Variants in TBC1D10A observed in about 807,000 individuals in gnomAD.
TBC1D10A encodes EBP50-PDX interactor of 64 kDa.
Under a neutral mutation model 52.9 loss-of-function variants are expected in TBC1D10A, and 24 were observed. That is an observed-to-expected ratio of 0.45 (90% CI 0.33 to 0.64). The LOEUF is 0.64. TBC1D10A is among the 30% of genes least tolerant of loss of function. The pLI, the probability that TBC1D10A is intolerant of heterozygous loss-of-function variation, is 0.02. For missense variants in TBC1D10A, 602 were observed against 687.9 expected (o/e 0.88, Z 1.40); for synonymous variants, 278 against 282.9 (o/e 0.98, Z 0.17).
intron 1 of TBC1D10A, among the ~76,000 whole-genome samples, chr22:30,307,476 A>T (rs1034213802): frequency 1.3e-5 from 2 of 152,068 alleles, no homozygotes; most frequent in African/African-American, 4.8e-5. Context: ...CTTATGCCAA[A>T]ATTGTCCTAG....
chr22:30,303,463 G>C (rs923763293), intron 2 of TBC1D10A, among the ~76,000 whole-genome samples: 11 of 152,210 alleles, frequency 7.2e-5, no homozygotes, highest in Non-Finnish European at 1.2e-4. Flanking sequence ...CCACCACTTC[G>C]TGGGGAGCAA....
intron 1 of TBC1D10A, among the ~76,000 whole-genome samples, chr22:30,322,467 G>T (rs944688805): frequency 6.6e-6 from 1 of 152,026 alleles, no homozygotes; most frequent in Admixed American, 6.6e-5. Context: ...TGCGGAGTAG[G>T]CTCAAAAGAC....
At chr22:30,294,647 T>C in intron 6 of TBC1D10A, 149 bp downstream of exon 6, 1 of 922,038 alleles carries the variant, frequency 1.1e-6, no homozygotes, top group Admixed American at 2.2e-5. Context: ...CCAGGAGACC[T>C]AACCCTGGCA....
chr22:30,312,708 C>T (rs1930450835), intron 1 of TBC1D10A, among the ~76,000 whole-genome samples: 1 of 152,196 alleles, frequency 6.6e-6, no homozygotes, highest in South Asian at 2.1e-4. Flanking sequence ...TTCCTTCAAC[C>T]CCCATTCAAT....
In TBC1D10A at chr22:30,293,653, C is replaced by T. The variant is rs1469082897; in HGVS notation, c.1048G>A (p.Glu350Lys). The change falls in exon 8 of 9, where the codon GAG (glutamate) becomes AAG (lysine). Residue 350 changes from glutamate to lysine, a missense_variant and splice_region_variant. By Grantham distance (56) the Glu-to-Lys change is moderately conservative. Coordinates refer to ENST00000215790, the MANE Select transcript of TBC1D10A (RefSeq NM_031937.3). Reference sequence around the variant, plus strand: ...TAAGGGGCAGGCATGGGCTGTACCTCCTGGACCAGAAAGGCCTCCTGCATG... The same window carrying T: ...TAAGGGGCAGGCATGGGCTGTACCTTCTGGACCAGAAAGGCCTCCTGCATG... Reference protein sequence around the residue: ...KIMQEAFLVQEVVELPVTERQ... With the variant: ...KIMQEAFLVQKVVELPVTERQ... The T allele has an allele frequency of 3.7e-6, 6 of 1,607,612 alleles. No individual in the cohort carries two copies. Among genetic ancestry groups the T allele is most frequent in the Non-Finnish European group, 5.1e-6 (6 of 1,175,442 alleles).
Position 30,295,674 on chromosome 22 carries a change from C to T in TBC1D10A, c.524+63G>A. The T allele has an allele frequency of 5.8e-6, 9 of 1,539,160 alleles. No homozygotes were observed. In the South Asian group the frequency reaches 9.0e-5, roughly 15 times the overall value. On this transcript the variant is annotated intron_variant, in intron 4 of 8. Coordinates refer to ENST00000215790, the MANE Select transcript of TBC1D10A (RefSeq NM_031937.3). ...TAAAGCCCTGAACTCACTGTACCTC[C>T]TTAGACCCCTTAGAGACAGGCCCTA...
intron 1 of TBC1D10A, among the ~76,000 whole-genome samples, chr22:30,313,369 G>GAAA (rs1300327256): frequency 7.1e-5 from 7 of 98,348 alleles, no homozygotes; most frequent in Non-Finnish European, 1.5e-4. Context: ...GTGTGTGTGT[G>GAAA]TGTGTGTGTG....
intron 1 of TBC1D10A, among the ~76,000 whole-genome samples, chr22:30,317,115 T>A (rs1310080236): frequency 6.6e-6 from 1 of 151,858 alleles, no homozygotes; most frequent in African/African-American, 2.4e-5. Context: ...TTAAAAAGAT[T>A]AAGCAACTTT....
chr22:30,295,131 A>G, intron 4 of TBC1D10A, 76 bp from the exon 5 acceptor site: 2 of 1,425,546 alleles, frequency 1.4e-6, no homozygotes, highest in South Asian at 2.3e-5. Flanking sequence ...GCCCCAGTGG[A>G]CCAGCCAGCC....
chr22:30,293,848 G>T (rs758999100), intron 7 of TBC1D10A, 43 bp from the exon 8 acceptor site: 1 of 1,601,002 alleles, frequency 6.2e-7, no homozygotes, highest in Non-Finnish European at 8.5e-7. Context: ...GCTTTTTGGG[G>T]TTTCTCTGCA....
At chr22:30,322,070 C>T (rs1275855793) in intron 1 of TBC1D10A, among the ~76,000 whole-genome samples, 2 of 151,810 alleles carry the variant, frequency 1.3e-5, no homozygotes, top group Non-Finnish European at 2.9e-5. Context: ...ACCTCCGCCT[C>T]CCAAGCTCAA....
At chr22:30,295,181 T>C (rs924830489) in intron 4 of TBC1D10A, 126 bp from the exon 5 acceptor site, 7 of 893,000 alleles carry the variant, frequency 7.8e-6, no homozygotes, top group Non-Finnish European at 1.2e-5. Context: ...GGTGATCTGC[T>C]TGTGGTCACC....
chr22:30,310,957 G>A (rs1930413235), intron 1 of TBC1D10A, among the ~76,000 whole-genome samples: 1 of 152,204 alleles, frequency 6.6e-6, no homozygotes, highest in Admixed American at 6.5e-5. Context: ...CTCCAGGATG[G>A]AGAGGAGGCA....
intron 1 of TBC1D10A, among the ~76,000 whole-genome samples, chr22:30,321,499 T>G (rs1930651917): frequency 6.6e-6 from 1 of 152,238 alleles, no homozygotes; most frequent in South Asian, 2.1e-4. Context: ...GGATGCCAAT[T>G]AAGCCAGTTC....
At chr22:30,315,247 C>A (rs1045770938) in intron 1 of TBC1D10A, among the ~76,000 whole-genome samples, 2 of 152,174 alleles carry the variant, frequency 1.3e-5, no homozygotes, top group Non-Finnish European at 2.9e-5. Context: ...TGCTCCCTTA[C>A]CATTATGCTA....
At position 30,326,192 on chromosome 22, in the gene TBC1D10A, C is replaced by T. The variant is rs569328293; in HGVS notation, c.209+481G>A. 2.7e-5 allele frequency among the ~76,000 whole-genome samples: 4 copies of T among 145,604 alleles called. No homozygotes were observed. The Admixed American group carries it at 2.8e-4, about 10-fold the overall frequency. ...GTCAGTCCTGAAGTCGGTCTGAGGT[C>T]TCCTGGTGTGGGGGCAGTGAGGCGG... On this transcript the variant is annotated intron_variant, in intron 1 of 8. Transcript: ENST00000215790.
Position 30,326,902 on chromosome 22 carries a change from G to GAGCTCCAGCGGCCACCTC in TBC1D10A, c.-39_-22dup. ...GCCATCCCAGCCGCGCCCGCCGCCTGAGCTCCAGCGGCCACCTCAGCCGCC... is the reference window on the plus strand; with the variant it reads ...GCCATCCCAGCCGCGCCCGCCGCCTGAGCTCCAGCGGCCACCTCAGCTCCAGCGGCCACCTCAGCCGCC... On this transcript the variant is annotated 5_prime_UTR_variant, in exon 1 of 9. Transcript: ENST00000215790. 2.7e-6 allele frequency: 4 copies of GAGCTCCAGCGGCCACCTC among 1,456,894 alleles called. No homozygotes were observed. In the South Asian group the frequency reaches 5.3e-5, roughly 19 times the overall value. 90.2% of individuals were successfully genotyped at this position (1,456,894 alleles called of 1,614,324 possible). A position where few individuals can be genotyped will look rare whatever the true frequency, so the allele number is the denominator to read the frequency against.
rs753137204 is a variant in TBC1D10A, at chr22:30,326,832, TC to T, written c.49del (p.Glu17LysfsTer63). On this transcript the variant is annotated frameshift_variant, in exon 1 of 9. Coordinates refer to ENST00000215790, the MANE Select transcript of TBC1D10A (RefSeq NM_031937.3). LOFTEE classifies it high-confidence loss of function. ...ENGPRAPAAGESLSGTRESLA... is the reference protein window; with the variant it reads ...ENGPRAPAAGXSLSGTRESLA... ...GCTCTCCCGGGTTCCCGACAGGCTTTCCCCGGCCGCGGGCGCGCGCGGCCCA... is the reference window on the plus strand; with the variant it reads ...GCTCTCCCGGGTTCCCGACAGGCTTTCCCGGCCGCGGGCGCGCGCGGCCCA... 2.7e-6 allele frequency: 4 copies of T among 1,468,444 alleles called. No individual in the cohort carries two copies. The highest frequency in any genetic ancestry group is 2.7e-6 in the Non-Finnish European group (3 of 1,115,922). 91.0% of individuals were successfully genotyped at this position (1,468,444 alleles called of 1,614,324 possible).
chr22:30,294,273 G>A (rs184986737), intron 6 of TBC1D10A, among the ~76,000 whole-genome samples, 163 bp from the exon 7 acceptor site: 16 of 152,294 alleles, frequency 1.1e-4, no homozygotes, highest in African/African-American at 2.6e-4. Context: ...TGAGCAAAGC[G>A]GAGCCAGCTG....
Sources: gnomAD v4.1 joint callset for allele counts (sites outside exome capture counted in the v4.1 genomes callset) on GRCh38, gnomAD v4.1.1 for gene constraint, MANE v1.5 for transcripts, NCBI Gene and HGNC (gene_info 2026-07-23, HGNC 2026-07-21) for gene names.